Variants in CSMD1 observed in about 807,000 individuals in gnomAD.
CSMD1 encodes the protein CUB and sushi domain-containing protein 1.
A neutral mutation model predicts 417.5 loss-of-function variants in CSMD1; 213 were observed. The observed-to-expected ratio is 0.51, with a 90% CI of 0.46 to 0.57. CSMD1 has a LOEUF of 0.57. CSMD1 is among the 20% of genes least tolerant of loss of function. The pLI, the probability that CSMD1 is intolerant of heterozygous loss-of-function variation, is 0.00. For missense variants in CSMD1, 6,923 were observed against 4,529.7 expected, an observed-to-expected ratio of 1.53 and a Z score of -15.17; for synonymous variants, 2,862 against 1,736.8, an observed-to-expected ratio of 1.65 and a Z score of -16.11.
intron 2 of CSMD1, among the ~76,000 whole-genome samples, chr8:4,460,320 A>G (rs13257745): frequency 6.6e-6 from 1 of 151,672 alleles, no homozygotes; most frequent in Non-Finnish European, 1.5e-5. Flanking sequence ...AAAATGTATG[A>G]AATGCAACTG....
At chr8:3,546,839 A>C (rs1798687670) in intron 10 of CSMD1, among the ~76,000 whole-genome samples, 1 of 152,202 alleles carries the variant, frequency 6.6e-6, no homozygotes, top group Non-Finnish European at 1.5e-5. Flanking sequence ...GTTATTACTG[A>C]AATGAAAGGG....
intron 50 of CSMD1, among the ~76,000 whole-genome samples, chr8:3,031,966 A>ATG (rs931258151): frequency 3.2e-5 from 4 of 123,344 alleles, no homozygotes; most frequent in African/African-American, 8.1e-5. Flanking sequence ...ATATGTGTGT[A>ATG]TGTGTGTGTA....
chr8:3,926,092 C>CAAACACCATACAT (rs1809673797), intron 5 of CSMD1, among the ~76,000 whole-genome samples: 1 of 49,508 alleles, frequency 2.0e-5, no homozygotes, highest in African/African-American at 1.4e-4. Flanking sequence ...TACACACACA[C>CAAACACCATACAT]ACACACACAC....
chr8:3,559,703 A>T (rs79920063), intron 10 of CSMD1, among the ~76,000 whole-genome samples: 1 of 152,188 alleles, frequency 6.6e-6, no homozygotes, highest in Non-Finnish European at 1.5e-5. Context: ...TAAAATAATG[A>T]TCACATATTG....
chr8:2,946,302 T>A lies in CSMD1; in HGVS notation c.10402+2997A>T, dbSNP rs144624645. On this transcript the variant is annotated intron_variant, in intron 68 of 69. Transcript: ENST00000635120. Reference sequence around the variant, plus strand: ...ATCCAAGGCTTTCTCAGTGTTTTCATAGGGTGGTGCAATCACCACCGTAGT... The same window carrying A: ...ATCCAAGGCTTTCTCAGTGTTTTCAAAGGGTGGTGCAATCACCACCGTAGT... 3.9e-3 allele frequency among the ~76,000 whole-genome samples: 601 copies of A among 152,304 alleles called. 3 individuals carry two copies. The highest frequency in any genetic ancestry group is 0.011 in the African/African-American group (453 of 41,562).
At chr8:3,634,512 G>A (rs934175788) in intron 7 of CSMD1, among the ~76,000 whole-genome samples, 3 of 152,070 alleles carry the variant, frequency 2.0e-5, no homozygotes, top group East Asian at 1.9e-4. Context: ...GCTGTCTCCC[G>A]GACTCTGCCC....
intron 2 of CSMD1, among the ~76,000 whole-genome samples, chr8:4,542,205 A>G (rs1797419780): frequency 6.6e-6 from 1 of 152,200 alleles, no homozygotes; most frequent in African/African-American, 2.4e-5. Context: ...CTGAATAAAA[A>G]TATGGCACAA....
At chr8:4,924,512 C>T (rs1489676496) in intron 1 of CSMD1, among the ~76,000 whole-genome samples, 1 of 152,024 alleles carries the variant, frequency 6.6e-6, no homozygotes, top group Non-Finnish European at 1.5e-5. Flanking sequence ...CACCTGAGGT[C>T]AGGAGTTCGA....
chr8:4,240,392 G>T (rs80217504), intron 3 of CSMD1, among the ~76,000 whole-genome samples: 1 of 152,190 alleles, frequency 6.6e-6, no homozygotes, highest in East Asian at 1.9e-4. Flanking sequence ...AGGCATCACA[G>T]TTGAGCACCT....
chr8:3,642,230 G>C (rs1052986244), intron 7 of CSMD1, among the ~76,000 whole-genome samples: 10 of 151,868 alleles, frequency 6.6e-5, no homozygotes, highest in African/African-American at 2.4e-4. Context: ...ATTAAATGGT[G>C]AAACCCCCAA....
At chr8:4,664,002 A>G (rs1804766809) in intron 1 of CSMD1, among the ~76,000 whole-genome samples, 1 of 152,170 alleles carries the variant, frequency 6.6e-6, no homozygotes, top group African/African-American at 2.4e-5. Flanking sequence ...GGTTCGGGCA[A>G]GAGATCCACA....
intron 15 of CSMD1, among the ~76,000 whole-genome samples, chr8:3,403,264 A>C (rs2116885193): frequency 6.6e-6 from 1 of 152,292 alleles, no homozygotes; most frequent in South Asian, 2.1e-4. Context: ...TCTTAAATCA[A>C]GTTTGTTATC....
chr8:3,687,836 C>G (rs1174723103), intron 7 of CSMD1, among the ~76,000 whole-genome samples: 1 of 152,206 alleles, frequency 6.6e-6, no homozygotes, highest in Admixed American at 6.5e-5. Flanking sequence ...ACTGCTCTCT[C>G]AGTCCACTCT....
intron 3 of CSMD1, among the ~76,000 whole-genome samples, chr8:4,261,335 C>T (rs1026849171): frequency 6.6e-6 from 1 of 152,090 alleles, no homozygotes; most frequent in East Asian, 1.9e-4. Flanking sequence ...TGTAATCTCA[C>T]TTAGATGTGG....
intron 1 of CSMD1, among the ~76,000 whole-genome samples, chr8:4,644,494 C>T (rs1195028395): frequency 6.6e-6 from 1 of 152,156 alleles, no homozygotes; most frequent in Non-Finnish European, 1.5e-5. Flanking sequence ...GCAGCCTCCA[C>T]CTCCCAGGTT....
At chr8:4,024,768 T>A (rs1796976169) in intron 4 of CSMD1, among the ~76,000 whole-genome samples, 1 of 152,194 alleles carries the variant, frequency 6.6e-6, no homozygotes, top group Admixed American at 6.5e-5. Flanking sequence ...ACGGCATACA[T>A]AAACATACGT....
chr8:4,299,973 C>T (rs1477616000), intron 3 of CSMD1, among the ~76,000 whole-genome samples: 1 of 152,108 alleles, frequency 6.6e-6, no homozygotes, highest in Non-Finnish European at 1.5e-5. Context: ...TTGATAATAG[C>T]TATTAGAATT....
intron 23 of CSMD1, among the ~76,000 whole-genome samples, chr8:3,310,573 C>T (rs147566107): frequency 6.6e-6 from 1 of 152,270 alleles, no homozygotes; most frequent in Admixed American, 6.5e-5. Context: ...GTCATTGGAA[C>T]ATACAATTGG....
At chr8:3,596,159 G>C (rs1467633172) in intron 8 of CSMD1, among the ~76,000 whole-genome samples, 1 of 152,182 alleles carries the variant, frequency 6.6e-6, no homozygotes, top group African/African-American at 2.4e-5. Context: ...AGGAGTGTCG[G>C]AGGCAGAGAC....
Sources: gnomAD v4.1 joint callset for allele counts (sites outside exome capture counted in the v4.1 genomes callset) on GRCh38, gnomAD v4.1.1 for gene constraint, MANE v1.5 for transcripts, NCBI Gene and HGNC (gene_info 2026-07-23, HGNC 2026-07-21) for gene names.